The following HS3ST1 variants were observed in gnomAD, a reference collection of about 807,000 sequenced individuals.
The protein encoded by HS3ST1 is heparan sulfate-glucosamine 3-sulfotransferase 1.
In HS3ST1, 8 loss-of-function variants were observed where a neutral mutation model predicts 20.7. The observed-to-expected ratio is 0.39, with a 90% CI of 0.23 to 0.70. The LOEUF (loss-of-function observed/expected upper bound fraction) is 0.70, where lower values mean the gene tolerates loss of function less well. Among genes scored for constraint, HS3ST1 ranks in the 30% least tolerant of loss-of-function variants. The pLI, the probability that HS3ST1 is intolerant of heterozygous loss-of-function variation, is 0.46. For missense variants in HS3ST1, 436 were observed against 423.4 expected (o/e 1.03, Z -0.26); for synonymous variants, 205 against 190.4 (o/e 1.08, Z -0.63).
upstream of HS3ST1, chr4:11,429,804 A>G (rs796503337): frequency 6.6e-6 from 1 of 151,570 alleles, no homozygotes; most frequent in South Asian, 2.1e-4. Flanking sequence ...TCAATTTAAG[A>G]TTTAAGGTTT....
At chr4:11,425,498 A>G (rs1719037254) in intron 1 of HS3ST1, among the ~76,000 whole-genome samples, 2 of 152,248 alleles carry the variant, frequency 1.3e-5, no homozygotes, top group Non-Finnish European at 2.9e-5. Context: ...GAAAGGAATC[A>G]TTCTGAGAAG....
intron 1 of HS3ST1, among the ~76,000 whole-genome samples, chr4:11,425,297 A>G (rs1719033189): frequency 6.6e-6 from 1 of 152,220 alleles, no homozygotes; most frequent in South Asian, 2.1e-4. Flanking sequence ...GACCCGGGTC[A>G]TCTCGTGACA....
At chr4:11,426,277 C>A (rs1474422923) in intron 1 of HS3ST1, among the ~76,000 whole-genome samples, 1 of 152,072 alleles carries the variant, frequency 6.6e-6, no homozygotes, top group African/African-American at 2.4e-5. Flanking sequence ...TTACACCACC[C>A]AGGCCATCTT....
chr4:11,409,507 T>C (rs1718561289), intron 1 of HS3ST1, among the ~76,000 whole-genome samples: 1 of 152,204 alleles, frequency 6.6e-6, no homozygotes, highest in Non-Finnish European at 1.5e-5. Context: ...ACTCTGTCTC[T>C]CTCTCTCATT....
In HS3ST1 at chr4:11,400,182, G is replaced by A; in HGVS notation, c.-108-69C>T. ...GGATAATTCAACTAACAACTCTGTA[G>A]CCACTCTGTAGTGAGGCCTATATTC... is the stretch of plus-strand genomic sequence containing the variant. On this transcript the variant is annotated intron_variant, in intron 1 of 1. Transcript: ENST00000002596. 2.3e-6 allele frequency: 3 copies of A among 1,317,060 alleles called. No individual in the cohort carries two copies. The South Asian group carries it at 5.0e-5, about 22-fold the overall frequency. 81.6% of individuals were successfully genotyped at this position (1,317,060 alleles called of 1,614,324 possible). A position where few individuals can be genotyped will look rare whatever the true frequency, so the allele number is the denominator to read the frequency against.
chr4:11,408,683 A>G (rs1718535434), intron 1 of HS3ST1, among the ~76,000 whole-genome samples: 1 of 152,226 alleles, frequency 6.6e-6, no homozygotes, highest in Non-Finnish European at 1.5e-5. Context: ...TTAGAAGCAG[A>G]AACACACTGG....
chr4:11,396,156 C>A lies in HS3ST1; in HGVS notation c.*2926G>T, dbSNP rs1718140052. 6.6e-6 allele frequency: 1 copy of A among 152,226 alleles called. No individual in the cohort carries two copies. The highest frequency in any genetic ancestry group is 2.1e-4 in the South Asian group (1 of 4,832). 9.4% of individuals were successfully genotyped at this position (152,226 alleles called of 1,614,324 possible). On this transcript the variant is annotated 3_prime_UTR_variant, in exon 2 of 2. Transcript: ENST00000002596. ...TCCATCTCCTTTCAGTTGGGTAAGC[C>A]TCCAAGCACAGAAGGAGTAAAGCAC...
Position 11,419,376 on chromosome 4 carries a change from A to G in HS3ST1, c.-109+9323T>C, listed in dbSNP as rs556734334. 6.6e-5 allele frequency among the ~76,000 whole-genome samples: 10 copies of G among 152,280 alleles called. No individual in the cohort carries two copies. In the East Asian group the frequency reaches 1.7e-3, roughly 27 times the overall value. ...CACTCTCCCATGAATATGATGCATA[A>G]AATTTAGTTTGTGACACCGCATGTT... On this transcript the variant is annotated intron_variant, in intron 1 of 1. Coordinates refer to ENST00000002596, the MANE Select transcript of HS3ST1 (RefSeq NM_005114.4).
chr4:11,421,944 C>A (rs953595251), intron 1 of HS3ST1, among the ~76,000 whole-genome samples: 4 of 152,142 alleles, frequency 2.6e-5, no homozygotes, highest in African/African-American at 9.7e-5. Context: ...GTGAGAGCTC[C>A]CCTGCAGTCC....
intron 1 of HS3ST1, among the ~76,000 whole-genome samples, chr4:11,405,776 G>A (rs1177138705): frequency 1.3e-5 from 2 of 152,006 alleles, no homozygotes; most frequent in Admixed American, 6.6e-5. Context: ...AAAAAGAGGG[G>A]AAGCAATGAA....
chr4:11,424,035 T>C (rs2108891026), intron 1 of HS3ST1, among the ~76,000 whole-genome samples: 1 of 114,130 alleles, frequency 8.8e-6, no homozygotes, highest in South Asian at 3.0e-4. Flanking sequence ...ACAGTCTATC[T>C]TGAAAAAAAA....
chr4:11,423,329 A>G (rs1240952032), intron 1 of HS3ST1, among the ~76,000 whole-genome samples: 2 of 152,172 alleles, frequency 1.3e-5, no homozygotes, highest in African/African-American at 4.8e-5. Context: ...CCAATGGATG[A>G]TAGACCCAGG....
intron 1 of HS3ST1, among the ~76,000 whole-genome samples, chr4:11,410,824 A>G (rs1221581293): frequency 1.3e-5 from 2 of 152,094 alleles, no homozygotes; most frequent in South Asian, 2.1e-4. Flanking sequence ...CCTGGGAGGC[A>G]GAGTTTGCAG....
rs561768815 is a variant in HS3ST1, at chr4:11,393,461, G to A, written c.*5621C>T. The stretch of plus-strand genomic sequence containing the variant: ...TCCGTGGGTTGATCACGTTATACAT[G>A]TAAAATACAGAGAGAAGAAAACATG... On this transcript the variant is annotated 3_prime_UTR_variant, in exon 2 of 2. Coordinates refer to ENST00000002596, the MANE Select transcript of HS3ST1 (RefSeq NM_005114.4). The A allele has an allele frequency of 8.5e-5, 13 of 152,278 alleles. No individual in the cohort carries two copies. Among genetic ancestry groups the A allele is most frequent in the Non-Finnish European group, 1.8e-4 (12 of 68,028 alleles). 9.4% of individuals were successfully genotyped at this position (152,278 alleles called of 1,614,324 possible).
chr4:11,417,290 G>A (rs533200488), intron 1 of HS3ST1, among the ~76,000 whole-genome samples: 12 of 152,140 alleles, frequency 7.9e-5, no homozygotes, highest in Non-Finnish European at 1.6e-4. Context: ...AATGGAGGGC[G>A]TTATGTTCCA....
intron 1 of HS3ST1, among the ~76,000 whole-genome samples, chr4:11,404,468 T>C (rs1718408130): frequency 6.6e-6 from 1 of 152,326 alleles, no homozygotes; most frequent in African/African-American, 2.4e-5. Context: ...CTGGTGGCAA[T>C]TGAGTTAGAG....
intron 1 of HS3ST1, among the ~76,000 whole-genome samples, chr4:11,425,173 G>A (rs1191511312): frequency 1.3e-5 from 2 of 152,184 alleles, no homozygotes; most frequent in East Asian, 3.8e-4. Context: ...CTTATTGAAT[G>A]TCTAAGTGCC....
chr4:11,411,959 C>G (rs1042981655), intron 1 of HS3ST1, among the ~76,000 whole-genome samples: 11 of 152,128 alleles, frequency 7.2e-5, no homozygotes, highest in Non-Finnish European at 2.9e-5. Context: ...GGGATGGTAA[C>G]AGCACCAACC....
chr4:11,410,250 A>T (rs530274082), intron 1 of HS3ST1, among the ~76,000 whole-genome samples: 18 of 152,218 alleles, frequency 1.2e-4, no homozygotes, highest in South Asian at 2.1e-4. Flanking sequence ...ACGTGGAAGG[A>T]ATGAATGACT....
Sources: gnomAD v4.1 joint callset for allele counts (sites outside exome capture counted in the v4.1 genomes callset) on GRCh38, gnomAD v4.1.1 for gene constraint, MANE v1.5 for transcripts, NCBI Gene and HGNC (gene_info 2026-07-23, HGNC 2026-07-21) for gene names.